The following LRRC8C variants were observed in gnomAD, a reference collection of about 807,000 sequenced individuals.
LRRC8C encodes the protein volume-regulated anion channel subunit LRRC8C.
LRRC8C carries 20 observed loss-of-function variants against 55.3 expected under a neutral mutation model. The ratio of observed to expected loss-of-function variants is 0.36; its 90% CI spans 0.25 to 0.53. The LOEUF (loss-of-function observed/expected upper bound fraction) is 0.53, where lower values mean the gene tolerates loss of function less well. LRRC8C is among the 20% of genes least tolerant of loss of function. The pLI is 0.92. For missense variants in LRRC8C, 659 were observed against 951.4 expected (o/e 0.69, Z 4.04); for synonymous variants, 376 against 360.7 (o/e 1.04, Z -0.48).
chr1:89,705,815 A>G (rs1003483451), intron 2 of LRRC8C, among the ~76,000 whole-genome samples: 6 of 152,110 alleles, frequency 3.9e-5, no homozygotes, highest in African/African-American at 1.4e-4. Flanking sequence ...TAAAAGACAG[A>G]TTTATGGTAG....
At chr1:89,685,041 A>G (rs1038790897) in intron 1 of LRRC8C, among the ~76,000 whole-genome samples, 2 of 151,882 alleles carry the variant, frequency 1.3e-5, no homozygotes, top group Admixed American at 1.3e-4. Flanking sequence ...AATTGTTGCC[A>G]AAGCTGTAAT....
chr1:89,673,092 G>A (rs1482977551), intron 1 of LRRC8C, among the ~76,000 whole-genome samples: 3 of 152,088 alleles, frequency 2.0e-5, no homozygotes, highest in African/African-American at 7.2e-5. Flanking sequence ...TTTTAAAAGT[G>A]TTTTTTCTTC....
chr1:89,707,277 C>T (rs1658508642), intron 2 of LRRC8C, among the ~76,000 whole-genome samples: 1 of 152,052 alleles, frequency 6.6e-6, no homozygotes, highest in Non-Finnish European at 1.5e-5. Context: ...TGTGGTGGCA[C>T]ACACCTGTAG....
intron 1 of LRRC8C, among the ~76,000 whole-genome samples, chr1:89,641,832 A>G (rs1451667829): frequency 6.6e-6 from 1 of 152,232 alleles, no homozygotes; most frequent in Non-Finnish European, 1.5e-5. Flanking sequence ...TCTACTTTAT[A>G]TAATTTATGG....
chr1:89,636,103 T>C (rs1003899296), intron 1 of LRRC8C, among the ~76,000 whole-genome samples: 1 of 152,216 alleles, frequency 6.6e-6, no homozygotes, highest in Non-Finnish European at 1.5e-5. Flanking sequence ...GAGGTCAGAT[T>C]ATTCAACTTC....
At chr1:89,695,749 A>G (rs1222391360) in intron 2 of LRRC8C, among the ~76,000 whole-genome samples, 2 of 152,212 alleles carry the variant, frequency 1.3e-5, no homozygotes, top group African/African-American at 4.8e-5. Context: ...AGATCAAGTT[A>G]ATTTAAAGAG....
chr1:89,704,162 C>A (rs187488427), intron 2 of LRRC8C, among the ~76,000 whole-genome samples: 1 of 152,084 alleles, frequency 6.6e-6, no homozygotes, highest in African/African-American at 2.4e-5. Flanking sequence ...AGAAGAATCT[C>A]AACACCCCAA....
rs552868167 is a variant in LRRC8C at position 89,701,009 on chromosome 1, T to C, written c.139-11700T>C. Among the ~76,000 whole-genome samples, 242 of 152,324 alleles carry C rather than the reference T, an allele frequency of 1.6e-3. 2 individuals are homozygous for C. The highest frequency in any genetic ancestry group is 4.4e-3 in the Admixed American group (68 of 15,304). On this transcript the variant is annotated intron_variant, in intron 2 of 2. Transcript: ENST00000370454. ...CATAGCTGTGTTTTAAAGTCCAAGC[T>C]GGTAGCTCATGCCTGTAATCCCAGC...
the LRRC8C span, among the ~76,000 whole-genome samples, chr1:89,616,314 G>A: frequency 6.6e-6 from 1 of 152,158 alleles, no homozygotes; most frequent in African/African-American, 2.4e-5. Flanking sequence ...AAGGATTCTT[G>A]CTAGAAGGGT....
At position 89,713,431 on chromosome 1, in the gene LRRC8C, C is replaced by G. The variant is rs1424227205; in HGVS notation, c.861C>G (p.Val287=). 6.2e-7 allele frequency: 1 copy of G among 1,614,030 alleles called. No homozygotes were observed. Among genetic ancestry groups the G allele is most frequent in the Non-Finnish European group, 8.5e-7 (1 of 1,180,042 alleles). Residue 287 remains valine (V), a synonymous_variant, in exon 3 of 3, where the codon GTC becomes GTG. Transcript: ENST00000370454. This position sits in a 1 kb window ranked among gnomAD's most constrained non-coding sequence, Gnocchi z 5.2. ...ATAATAGTGCTCTGGTTTCCAAGGT[C>G]CAGTTTACAGTGGACTGTAATGTGG... is the stretch of plus-strand genomic sequence containing the variant. ...IAYNSALVSK[V]QFTVDCNVDI...
Position 89,712,930 on chromosome 1 carries a change from C to G in LRRC8C, c.360C>G (p.Leu120=). The change falls in exon 3 of 3, where the codon CTC becomes CTG. Residue 120 remains leucine, a synonymous_variant. Coordinates refer to ENST00000370454, the MANE Select transcript of LRRC8C (RefSeq NM_032270.5). ...FINQMCYERA[L]HWYAKYFPYL... ...ATCAGATGTGTTATGAGCGAGCCCT[C>G]CACTGGTATGCCAAGTATTTCCCTT... 6.2e-7 allele frequency: 1 copy of G among 1,613,790 alleles called. No homozygotes were observed. Among genetic ancestry groups the G allele is most frequent in the Non-Finnish European group, 8.5e-7 (1 of 1,180,018 alleles).
the LRRC8C span, among the ~76,000 whole-genome samples, chr1:89,627,873 G>A: frequency 6.6e-6 from 1 of 152,184 alleles, no homozygotes; most frequent in Non-Finnish European, 1.5e-5. Context: ...CAAATCTGAG[G>A]TGCTCCAAAT....
chr1:89,671,650 G>A (rs1657419585), intron 1 of LRRC8C, among the ~76,000 whole-genome samples: 1 of 152,166 alleles, frequency 6.6e-6, no homozygotes, highest in African/African-American at 2.4e-5. Flanking sequence ...TGTGAACTTG[G>A]TACAAACATA....
chr1:89,641,949 C>G (rs1029435280), intron 1 of LRRC8C, among the ~76,000 whole-genome samples: 1 of 152,202 alleles, frequency 6.6e-6, no homozygotes, highest in African/African-American at 2.4e-5. Flanking sequence ...TTTATGTGAT[C>G]AAGGCATTCG....
the LRRC8C span, chr1:89,626,855 T>C: frequency 2.6e-5 from 4 of 152,136 alleles, no homozygotes; most frequent in Non-Finnish European, 5.9e-5. Flanking sequence ...ATAGGCCCGA[T>C]TGATTAAATC....
At chr1:89,691,425 G>A (rs1473782959) in intron 2 of LRRC8C, among the ~76,000 whole-genome samples, 2 of 152,184 alleles carry the variant, frequency 1.3e-5, no homozygotes, top group Non-Finnish European at 2.9e-5. Flanking sequence ...GTGACCGGAG[G>A]GCCCAGATGG....
At chr1:89,661,452 G>T in intron 1 of LRRC8C, 1 of 216,554 alleles carries the variant, frequency 4.6e-6, no homozygotes, top group South Asian at 8.1e-5. Flanking sequence ...TGATGTGGTG[G>T]AGCATGTTTG....
At chr1:89,679,464 G>C (rs899654308) in intron 1 of LRRC8C, among the ~76,000 whole-genome samples, 2 of 152,102 alleles carry the variant, frequency 1.3e-5, no homozygotes, top group African/African-American at 4.8e-5. Flanking sequence ...TGAGACATGA[G>C]AATCACTTGA....
At chr1:89,678,680 A>T (rs148877878) in intron 1 of LRRC8C, among the ~76,000 whole-genome samples, 47 of 150,448 alleles carry the variant, frequency 3.1e-4, no homozygotes, top group African/African-American at 1.1e-3. Flanking sequence ...AGCCTGGGCA[A>T]CAAGGGAGAA....
Sources: allele counts gnomAD v4.1 joint callset (sites outside exome capture counted in the v4.1 genomes callset), GRCh38; gene constraint gnomAD v4.1.1; non-coding constraint Gnocchi (gnomAD v3.1); transcripts MANE v1.5; gene names NCBI Gene and HGNC (gene_info 2026-07-23, HGNC 2026-07-21).